ARSB: variants seen among roughly 807,000 people sequenced by gnomAD.
The protein encoded by ARSB is arylsulfatase B.
In ARSB, 41 loss-of-function variants were observed where a neutral mutation model predicts 50.9. That is an observed-to-expected ratio of 0.81 (90% CI 0.63 to 1.04). The LOEUF is 1.04. Among genes scored for constraint, ARSB ranks in the 50% least tolerant of loss-of-function variants. The pLI, the probability that ARSB is intolerant of heterozygous loss-of-function variation, is 0.00. For missense variants in ARSB, 672 were observed against 693.3 expected (o/e 0.97, Z 0.35); for synonymous variants, 269 against 284.8 (o/e 0.94, Z 0.56).
intron 5 of ARSB, among the ~76,000 whole-genome samples, chr5:78,853,014 A>C (rs1745914418): frequency 1.3e-5 from 2 of 152,308 alleles, no homozygotes; most frequent in Middle Eastern, 3.4e-3. Context: ...TTCCTCCTGT[A>C]GCTCAGAGTA....
intron 6 of ARSB, among the ~76,000 whole-genome samples, chr5:78,783,887 T>C (rs1282874525): frequency 6.6e-6 from 1 of 152,214 alleles, no homozygotes; most frequent in Non-Finnish European, 1.5e-5. Flanking sequence ...TTGACTTTAT[T>C]GTTTTCATTT....
chr5:78,977,136 T>C (rs2112556288), intron 1 of ARSB, among the ~76,000 whole-genome samples: 1 of 151,938 alleles, frequency 6.6e-6, no homozygotes, highest in East Asian at 1.9e-4. Context: ...TCACCTTACT[T>C]GTTTGTATTT....
chr5:78,956,566 C>CA (rs1325246347), intron 3 of ARSB, among the ~76,000 whole-genome samples: 2 of 151,880 alleles, frequency 1.3e-5, no homozygotes, highest in Non-Finnish European at 2.9e-5. Context: ...AGACACAAGA[C>CA]AAAAAATTGA....
intron 4 of ARSB, among the ~76,000 whole-genome samples, chr5:78,927,270 A>G (rs1750098577): frequency 6.6e-6 from 1 of 152,074 alleles, no homozygotes; most frequent in South Asian, 2.1e-4. Context: ...ATTTTTCATT[A>G]TTTTTTCATA....
chr5:78,856,703 T>C (rs570908969), intron 5 of ARSB, among the ~76,000 whole-genome samples: 1 of 152,346 alleles, frequency 6.6e-6, no homozygotes, highest in Non-Finnish European at 1.5e-5. Flanking sequence ...TTAGCTTCTA[T>C]CTTCTCTATG....
At chr5:78,815,853 A>G in intron 6 of ARSB, 2 of 1,367,794 alleles carry the variant, frequency 1.5e-6, no homozygotes, top group Admixed American at 3.0e-5. Flanking sequence ...TTGAAATAAT[A>G]TAAGAAATGA....
At chr5:78,783,247 C>T (rs1283904080) in intron 6 of ARSB, 2 of 152,112 alleles carry the variant, frequency 1.3e-5, no homozygotes, top group Non-Finnish European at 2.9e-5. Flanking sequence ...AGTATAGACT[C>T]CATTGGAGTG....
At chr5:78,861,121 T>C (rs1358333742) in intron 5 of ARSB, among the ~76,000 whole-genome samples, 3 of 152,126 alleles carry the variant, frequency 2.0e-5, no homozygotes, top group African/African-American at 7.2e-5. Context: ...AATAAATTAA[T>C]AGCCTACCAA....
intron 6 of ARSB, among the ~76,000 whole-genome samples, chr5:78,784,524 T>C (rs1406161700): frequency 6.6e-6 from 1 of 152,218 alleles, no homozygotes; most frequent in African/African-American, 2.4e-5. Flanking sequence ...CATCTAGGCC[T>C]AGAGTTTTCT....
intron 6 of ARSB, among the ~76,000 whole-genome samples, chr5:78,792,664 G>A (rs12109527): frequency 0.029 from 4,417 of 152,242 alleles, 205 homozygotes; most frequent in African/African-American, 0.099. Flanking sequence ...TACACGTAGT[G>A]AGCATTCTGT....
intron 3 of ARSB, among the ~76,000 whole-genome samples, chr5:78,964,098 T>C (rs1041234611): frequency 5.6e-4 from 86 of 152,350 alleles, no homozygotes; most frequent in Admixed American, 6.5e-5. Context: ...TATATTTCTA[T>C]TGAAATACTA....
chr5:78,853,202 C>A (rs1006923511), intron 5 of ARSB, among the ~76,000 whole-genome samples: 9 of 152,148 alleles, frequency 5.9e-5, no homozygotes, highest in African/African-American at 1.9e-4. Flanking sequence ...TGCTTTTGGT[C>A]TTTGATGATG....
chr5:78,960,165 T>C (rs3797554), intron 3 of ARSB, among the ~76,000 whole-genome samples: 26,788 of 152,218 alleles, frequency 0.18, 2,408 homozygotes, highest in Middle Eastern at 0.23. Context: ...TATCTAAGTA[T>C]TACATAAAAG....
intron 6 of ARSB, among the ~76,000 whole-genome samples, chr5:78,825,437 C>G (rs1744395945): frequency 6.6e-6 from 1 of 152,092 alleles, no homozygotes; most frequent in African/African-American, 2.4e-5. Context: ...AAAAAAATCC[C>G]ATATACATTT....
intron 4 of ARSB, among the ~76,000 whole-genome samples, chr5:78,892,913 G>A (rs1748380290): frequency 6.6e-6 from 1 of 152,170 alleles, no homozygotes; most frequent in Non-Finnish European, 1.5e-5. Flanking sequence ...CAAGAGGAGG[G>A]TTCTGGTGGA....
At position 78,923,053 on chromosome 5, in the gene ARSB, T is replaced by C. The variant is rs537964417; in HGVS notation, c.898+32242A>G. ...TCTTTGCTTGGACCAAAGGCAGAAG[T>C]TTGCATGTAGGTAGTTTATGTTGGA... On this transcript the variant is annotated intron_variant, in intron 4 of 7. Transcript: ENST00000264914. 2.0e-5 allele frequency among the ~76,000 whole-genome samples: 3 copies of C among 152,100 alleles called. No individual in the cohort carries two copies. In the South Asian group the frequency reaches 6.2e-4, roughly 32 times the overall value.
At chr5:78,929,718 T>C (rs1750224758) in intron 4 of ARSB, among the ~76,000 whole-genome samples, 1 of 144,784 alleles carries the variant, frequency 6.9e-6, no homozygotes, top group South Asian at 2.2e-4. Context: ...ACTAGAACCC[T>C]GGGGGCTGAG....
intron 4 of ARSB, among the ~76,000 whole-genome samples, chr5:78,935,849 C>G (rs1750555696): frequency 6.6e-6 from 1 of 152,102 alleles, no homozygotes; most frequent in Non-Finnish European, 1.5e-5. Context: ...GTGTTGGACT[C>G]AGGCCATCTG....
intron 5 of ARSB, among the ~76,000 whole-genome samples, chr5:78,848,263 T>C (rs1288925555): frequency 9.5e-6 from 1 of 104,984 alleles, no homozygotes. Flanking sequence ...TTCCCCTTCC[T>C]GTGTCCATGA....
Sources: allele counts gnomAD v4.1 joint callset (sites outside exome capture counted in the v4.1 genomes callset), GRCh38; gene constraint gnomAD v4.1.1; transcripts MANE v1.5; gene names NCBI Gene and HGNC (gene_info 2026-07-23, HGNC 2026-07-21).